Variants in HAPLN2 observed in about 807,000 individuals in gnomAD.
The protein encoded by HAPLN2 is brain link protein-1.
In HAPLN2, 27 loss-of-function variants were observed where a neutral mutation model predicts 29.3. The ratio of observed to expected loss-of-function variants is 0.92; its 90% CI spans 0.68 to 1.27. The LOEUF (loss-of-function observed/expected upper bound fraction) is 1.27. Ranked by LOEUF, HAPLN2 falls within the 50% of genes most tolerant of loss-of-function variation. The probability of loss-of-function intolerance (pLI) is 0.00; values close to 1 mark genes in which losing one functional copy is unlikely to be tolerated. For missense variants in HAPLN2, 454 were observed against 484.3 expected (o/e 0.94, Z 0.59); for synonymous variants, 208 against 211.7 (o/e 0.98, Z 0.15).
At chr1:156,608,816 G>A in the HAPLN2 span, among the ~76,000 whole-genome samples, 3 of 152,128 alleles carry the variant, frequency 2.0e-5, no homozygotes, top group Non-Finnish European at 1.5e-5. Flanking sequence ...TGCTTGCTGC[G>A]CTTCTAGAGT....
chr1:156,602,549 CAAAA>C, the HAPLN2 span, among the ~76,000 whole-genome samples: 12 of 43,786 alleles, frequency 2.7e-4, no homozygotes, highest in African/African-American at 5.7e-4. Flanking sequence ...CTAAAAATAC[CAAAA>C]AAAAAAAAAA....
At chr1:156,604,576 C>G in the HAPLN2 span, among the ~76,000 whole-genome samples, 1 of 152,074 alleles carries the variant, frequency 6.6e-6, no homozygotes, top group African/African-American at 2.4e-5. Flanking sequence ...GCGGAGCCAC[C>G]GTGCCCGGCC....
At chr1:156,613,168 G>A in the HAPLN2 span, among the ~76,000 whole-genome samples, 4 of 152,048 alleles carry the variant, frequency 2.6e-5, no homozygotes, top group Non-Finnish European at 5.9e-5. Context: ...GGCCAACATG[G>A]CGAAACCCTG....
chr1:156,615,650 G>A (rs1461822536), upstream of HAPLN2, among the ~76,000 whole-genome samples: 12 of 148,442 alleles, frequency 8.1e-5, no homozygotes, highest in African/African-American at 3.0e-4. Context: ...AGCTCACTGC[G>A]ACCTCCGCCT....
chr1:156,624,500 C>A lies in HAPLN2; in HGVS notation c.556+33C>A, dbSNP rs570548144. 5 of 1,607,900 alleles carry A rather than the reference C, an allele frequency of 3.1e-6. No homozygotes were observed. The African/African-American group carries it at 6.7e-5, about 22-fold the overall frequency. ...GCCGAACCCAGCACTTCCCAAGCCC[C>A]GCGGAGCTGTCTCAGGGGCCCGAGA... On this transcript the variant is annotated intron_variant, in intron 5 of 6. Coordinates refer to ENST00000255039, the MANE Select transcript of HAPLN2 (RefSeq NM_021817.3).
the HAPLN2 span, among the ~76,000 whole-genome samples, chr1:156,607,657 C>A: frequency 6.6e-6 from 1 of 152,064 alleles, no homozygotes; most frequent in Non-Finnish European, 1.5e-5. Context: ...AGAATTGAAT[C>A]CTAAAAATTA....
upstream of HAPLN2, among the ~76,000 whole-genome samples, chr1:156,615,849 C>T (rs559724454): frequency 6.6e-6 from 1 of 151,300 alleles, no homozygotes; most frequent in African/African-American, 2.5e-5. Flanking sequence ...GGATTACAGG[C>T]ATTAGCCACC....
chr1:156,608,920 A>C, the HAPLN2 span, among the ~76,000 whole-genome samples: 1 of 152,172 alleles, frequency 6.6e-6, no homozygotes, highest in South Asian at 2.1e-4. Flanking sequence ...ATACATCAGT[A>C]AAGATGCTGT....
the HAPLN2 span, among the ~76,000 whole-genome samples, chr1:156,601,797 T>A: frequency 3.3e-5 from 5 of 151,172 alleles, no homozygotes; most frequent in Non-Finnish European, 5.9e-5. Context: ...GAGAGTAGCC[T>A]GAGAAATTCG....
chr1:156,623,682 T>C, intron 3 of HAPLN2, 107 bp downstream of exon 3: 1 of 1,543,168 alleles, frequency 6.5e-7, no homozygotes, highest in Admixed American at 2.0e-5. Flanking sequence ...TGAAAGTCAT[T>C]GCTGAGAAGG....
At chr1:156,606,707 T>A in the HAPLN2 span, among the ~76,000 whole-genome samples, 1 of 152,032 alleles carries the variant, frequency 6.6e-6, no homozygotes, top group African/African-American at 2.4e-5. Context: ...GGCCTCCAAC[T>A]CCTGGGCTCA....
At chr1:156,618,306 A>AG (rs149283221), upstream of HAPLN2, among the ~76,000 whole-genome samples, 2 of 1,736 alleles carry the variant, frequency 1.2e-3, no homozygotes, top group Non-Finnish European at 5.2e-3. Flanking sequence ...ACTCTGTCTC[A>AG]AAAAAAAAAA....
chr1:156,602,260 C>T, the HAPLN2 span, among the ~76,000 whole-genome samples: 2 of 152,038 alleles, frequency 1.3e-5, no homozygotes, highest in Non-Finnish European at 1.5e-5. Context: ...CTTTTTGACT[C>T]ACCATTGTGT....
At chr1:156,617,650 C>CT (rs56771313), upstream of HAPLN2, among the ~76,000 whole-genome samples, 121,407 of 137,446 alleles carry the variant, frequency 0.88, 55,164 homozygotes, top group Non-Finnish European at 0.98. Context: ...TGCCCAGCCT[C>CT]TTTTTTTTTT....
chr1:156,601,632 C>A, the HAPLN2 span: 1 of 630,102 alleles, frequency 1.6e-6, no homozygotes, highest in Non-Finnish European at 2.8e-6. Context: ...TCGGAGGTTC[C>A]GAGGCTGTTC....
chr1:156,621,031 G>C (rs1310188652), intron 2 of HAPLN2, among the ~76,000 whole-genome samples: 1 of 151,792 alleles, frequency 6.6e-6, no homozygotes, highest in Non-Finnish European at 1.5e-5. Flanking sequence ...ATTAACTTAT[G>C]CATAGTCATG....
chr1:156,612,259 G>A, the HAPLN2 span, among the ~76,000 whole-genome samples: 3 of 152,158 alleles, frequency 2.0e-5, no homozygotes, highest in Non-Finnish European at 1.5e-5. Flanking sequence ...CCCAACCTCA[G>A]GTGATCCACC....
At chr1:156,618,968 T>A (rs1278124326), upstream of HAPLN2, among the ~76,000 whole-genome samples, 1 of 151,980 alleles carries the variant, frequency 6.6e-6, no homozygotes, top group Non-Finnish European at 1.5e-5. Flanking sequence ...TCCTCAGAAA[T>A]TCTCATGTTC....
Position 156,623,891 on chromosome 1 carries a change from G to C in HAPLN2, c.170G>C (p.Cys57Ser), listed in dbSNP as rs1360699863. ...CGTGGGGCCACGGCCACGCTGCCCT[G>C]CGTCCTGGGCACCACGCCTCCCAGC... Reference protein sequence around the residue: ...SHRGATATLPCVLGTTPPSYK... With the variant: ...SHRGATATLPSVLGTTPPSYK... The change falls in exon 4 of 7, where the codon TGC becomes TCC. Residue 57 changes from cysteine (C) to serine (S), a missense_variant. Cys to Ser is a moderately radical substitution (Grantham distance 112). Around this residue, in one of 3 missense-constraint regions of HAPLN2, gnomAD observed 204 missense variants for 209.2 expected, o/e 0.98. Transcript: ENST00000255039. 1 of 1,589,880 alleles carries C rather than the reference G, an allele frequency of 6.3e-7. No individual in the cohort carries two copies. The highest frequency in any genetic ancestry group is 1.7e-5 in the Admixed American group (1 of 57,232).
Sources: gnomAD v4.1 joint callset for allele counts (sites outside exome capture counted in the v4.1 genomes callset) on GRCh38, gnomAD v4.1.1 for gene constraint, gnomAD v4.1.1 regional missense constraint, MANE v1.5 for transcripts, NCBI Gene and HGNC (gene_info 2026-07-23, HGNC 2026-07-21) for gene names.